IFT140: variants seen among roughly 807,000 people sequenced by gnomAD.
IFT140 encodes the protein intraflagellar transport 140, also known as intraflagellar transport protein 140 homolog.
In IFT140, 133 loss-of-function variants were observed where a neutral mutation model predicts 164.6. That is an observed-to-expected ratio of 0.81 (90% confidence interval 0.70 to 0.93). The LOEUF is 0.93. Among genes scored for constraint, IFT140 ranks in the 40% least tolerant of loss-of-function variants. The pLI is 0.00. For synonymous variants in IFT140, 860 were observed against 817.3 expected (o/e 1.05, Z -0.89); for missense variants, 2,045 against 1,972.3 (o/e 1.04, Z -0.70).
At chr16:1,527,057 C>T in intron 19 of IFT140, 2 of 468,356 alleles carry the variant, frequency 4.3e-6, no homozygotes. Context: ...TTATGCAGAT[C>T]ACCAGGCTCC....
intron 3 of IFT140, among the ~76,000 whole-genome samples, chr16:1,606,313 G>C (rs558099830): frequency 1.3e-5 from 2 of 152,242 alleles, no homozygotes; most frequent in African/African-American, 4.8e-5. Context: ...ACTGTGAACT[G>C]ATAGTGGCTT....
chr16:1,536,356 C>T (rs960200548), intron 19 of IFT140, among the ~76,000 whole-genome samples: 2 of 152,222 alleles, frequency 1.3e-5, no homozygotes, highest in South Asian at 2.1e-4. Context: ...GCAGGACACA[C>T]GAGGCCCCTC....
intron 22 of IFT140, 147 bp downstream of exon 22, chr16:1,525,084 G>GGGCCCTGAGCCA: frequency 8.4e-7 from 1 of 1,186,206 alleles, no homozygotes; most frequent in Non-Finnish European, 1.2e-6. Flanking sequence ...GCCTGGCTCA[G>GGGCCCTGAGCCA]GGCCCTGGCA....
In IFT140 at chr16:1,513,332, T is replaced by TAAAA. The variant is rs2040231203; in HGVS notation, c.4183-2183_4183-2182insTTTT. 5 of 151,746 alleles carry TAAAA rather than the reference T, an allele frequency of 3.3e-5. No homozygotes were observed. In the South Asian group the frequency reaches 1.0e-3, roughly 32 times the overall value. The allele number at this position is 151,746 out of a possible 1,614,324, so 9.4% of individuals were successfully genotyped here. A position where few individuals can be genotyped will look rare whatever the true frequency, so the allele number is the denominator to read the frequency against. The stretch of plus-strand genomic sequence containing the variant: ...GTGAAACCCCGTCTCTACTAAAAAA[T>TAAAA]AAATAAATAAATACAAAAATTAGCT... On this transcript the variant is annotated intron_variant, in intron 30 of 30. Coordinates refer to ENST00000426508, the MANE Select transcript of IFT140 (RefSeq NM_014714.4).
chr16:1,542,164 T>G (rs1596332093), intron 19 of IFT140: 1 of 1,398,526 alleles, frequency 7.2e-7, no homozygotes, highest in Admixed American at 2.8e-5. Flanking sequence ...TTGGGTGGCC[T>G]GGGGGGAAGC....
intron 24 of IFT140, 69 bp downstream of exon 24, chr16:1,524,483 C>G (rs941046390): frequency 6.4e-7 from 1 of 1,572,744 alleles, no homozygotes; most frequent in African/African-American, 1.4e-5. Flanking sequence ...TCTCTGTCCA[C>G]TTTTCCACTT....
chr16:1,594,476 C>G (rs1239551959), intron 4 of IFT140, among the ~76,000 whole-genome samples: 1 of 152,172 alleles, frequency 6.6e-6, no homozygotes, highest in African/African-American at 2.4e-5. Context: ...CCACCTCTGC[C>G]TTCCAAAGTG....
intron 13 of IFT140, among the ~76,000 whole-genome samples, chr16:1,574,663 C>T (rs527803070): frequency 1.3e-5 from 2 of 152,306 alleles, no homozygotes; most frequent in African/African-American, 2.4e-5. Flanking sequence ...GCTTCAACCC[C>T]AACTGCCCTC....
chr16:1,596,535 C>T lies in IFT140; in HGVS notation c.370-3947G>A, dbSNP rs1233388718. ...GGTTGTTGGATGCAAAAGTTTAGAG[C>T]GCCTGCGCCCAAAAGCAGAGATCTC... On this transcript the variant is annotated intron_variant, in intron 4 of 30. Coordinates refer to ENST00000426508, the MANE Select transcript of IFT140 (RefSeq NM_014714.4). Among the ~76,000 whole-genome samples, 7 of 152,142 alleles carry T rather than the reference C, an allele frequency of 4.6e-5. No individual in the cohort carries two copies. In the South Asian group the frequency reaches 8.3e-4, roughly 18 times the overall value.
chr16:1,606,987 C>T, intron 3 of IFT140, 133 bp downstream of exon 3: 1 of 852,770 alleles, frequency 1.2e-6, no homozygotes, highest in South Asian at 1.6e-5. Flanking sequence ...CATACACGCA[C>T]ACACAGATGC....
At chr16:1,609,821 C>CTGTA (rs2036250782) in intron 2 of IFT140, 1 of 152,198 alleles carries the variant, frequency 6.6e-6, no homozygotes, top group Non-Finnish European at 1.5e-5. Context: ...TGATGACAAT[C>CTGTA]TGTAATAGCT....
At position 1,602,369 on chromosome 16, in the gene IFT140, C is replaced by A; in HGVS notation, c.369+1G>T. 2 of 1,613,846 alleles carry A rather than the reference C, an allele frequency of 1.2e-6. No individual in the cohort carries two copies. Among genetic ancestry groups the A allele is most frequent in the Non-Finnish European group, 1.7e-6 (2 of 1,179,728 alleles). The stretch of plus-strand genomic sequence containing the variant: ...ACAGCGTCTTGCGCGTGTTGACTCA[C>A]CCTGTCCCCAGACAGCAGGCAGTTT... On this transcript the variant is annotated splice_donor_variant, in intron 4 of 30. Transcript: ENST00000426508. LOFTEE classifies it high-confidence loss of function.
chr16:1,535,236 G>A (rs569986138), intron 19 of IFT140, among the ~76,000 whole-genome samples: 1 of 152,248 alleles, frequency 6.6e-6, no homozygotes, highest in Non-Finnish European at 1.5e-5. Flanking sequence ...CAGGACGCTC[G>A]GAAGGGGACA....
chr16:1,570,093 G>A (rs961972357), intron 14 of IFT140, among the ~76,000 whole-genome samples: 8 of 151,960 alleles, frequency 5.3e-5, no homozygotes, highest in African/African-American at 9.7e-5. Context: ...CCTCACTTTC[G>A]GGCAGCACAG....
At chr16:1,523,805 C>G (rs1277193798) in intron 25 of IFT140, 23 bp downstream of exon 25, 6 of 1,609,866 alleles carry the variant, frequency 3.7e-6, no homozygotes, top group Non-Finnish European at 4.2e-6. Flanking sequence ...TCCCCCAGGT[C>G]CCCACCGGTG....
chr16:1,557,411 A>C (rs1288361371), intron 19 of IFT140: 1 of 155,538 alleles, frequency 6.4e-6, no homozygotes, highest in Non-Finnish European at 1.4e-5. Context: ...CGGCAACCTA[A>C]GGCCACACCC....
rs764604769 is a variant in IFT140 at position 1,534,428 on chromosome 16, G to A, written c.2400-7632C>T. On this transcript the variant is annotated intron_variant, in intron 19 of 30. Coordinates refer to ENST00000426508, the MANE Select transcript of IFT140 (RefSeq NM_014714.4). ...TGGGGCTGTGGAGGTCCTGCTGGCTGGTGGACAGGACCCGGGGAGGGCCGA... is the reference window on the plus strand; with the variant it reads ...TGGGGCTGTGGAGGTCCTGCTGGCTAGTGGACAGGACCCGGGGAGGGCCGA... The A allele has an allele frequency of 8.7e-6, 14 of 1,612,206 alleles. No homozygotes were observed. In the East Asian group the frequency reaches 1.8e-4, roughly 21 times the overall value.
intron 30 of IFT140, among the ~76,000 whole-genome samples, chr16:1,513,894 C>A (rs185564827): frequency 6.4e-5 from 9 of 141,674 alleles, no homozygotes; most frequent in East Asian, 5.1e-4. Flanking sequence ...AAGATGGTCT[C>A]CATCTCCTGA....
intron 17 of IFT140, among the ~76,000 whole-genome samples, chr16:1,562,936 T>C (rs2033497668): frequency 6.6e-6 from 1 of 152,174 alleles, no homozygotes. Flanking sequence ...TACCTGCAGC[T>C]GCTCTGGACA....
Sources: allele counts gnomAD v4.1 joint callset (sites outside exome capture counted in the v4.1 genomes callset), GRCh38; gene constraint gnomAD v4.1.1; transcripts MANE v1.5; gene names NCBI Gene and HGNC (gene_info 2026-07-23, HGNC 2026-07-21).